Variants in CHST15 observed in about 807,000 individuals in gnomAD.
CHST15 encodes carbohydrate sulfotransferase 15, also known as B cell RAG associated protein (GALNAC4S-6ST).
In CHST15, 30 loss-of-function variants were observed where a neutral mutation model predicts 53.6. The observed-to-expected ratio is 0.56, with a 90% CI of 0.42 to 0.76. The LOEUF is 0.76. Ranked by LOEUF, CHST15 falls within the 30% of genes least tolerant of loss-of-function variation. CHST15 has a pLI of 0.00. For synonymous variants in CHST15, 296 were observed against 289.8 expected, an observed-to-expected ratio of 1.02 and a Z score of -0.22; for missense variants, 627 against 740.5, an observed-to-expected ratio of 0.85 and a Z score of 1.78.
rs1193812035 is a variant in CHST15, at chr10:124,010,294, G to A, written c.1541C>T (p.Ala514Val). Residue 514 changes from alanine (A) to valine (V), a missense_variant, in exon 8 of 8, where the codon GCA becomes GTA. Around this residue, in one of 3 missense-constraint regions of CHST15, gnomAD observed 279 missense variants for 371.6 expected, o/e 0.75. Coordinates refer to ENST00000435907, the MANE Select transcript of CHST15 (RefSeq NM_001270764.2). ...GTCCTCGGGACGCCGTGCATTGGAT[G>A]CGGGGCTCTTGGTCATCAAAGCCTC... The part of the protein sequence containing the change: ...KQEALMTKSP[A>V]SNARRPEDRN... 6.2e-7 allele frequency: 1 copy of A among 1,612,026 alleles called. No homozygotes were observed. The highest frequency in any genetic ancestry group is 8.5e-7 in the Non-Finnish European group (1 of 1,178,620).
chr10:124,014,253 A>C (rs1474402494), intron 6 of CHST15, among the ~76,000 whole-genome samples: 1 of 152,110 alleles, frequency 6.6e-6, no homozygotes, highest in Non-Finnish European at 1.5e-5. Context: ...CAAAGCCTGC[A>C]CTCTGGCCCT....
intron 1 of CHST15, among the ~76,000 whole-genome samples, chr10:124,075,950 T>C (rs1381954885): frequency 6.6e-6 from 1 of 152,186 alleles, no homozygotes. Context: ...GGTGGCATTC[T>C]CCGGGATCCA....
At chr10:124,017,944 G>A (rs1946642084) in intron 6 of CHST15, among the ~76,000 whole-genome samples, 1 of 152,234 alleles carries the variant, frequency 6.6e-6, no homozygotes. Flanking sequence ...GAGGCACTTG[G>A]GCAGAGAAGG....
At chr10:124,015,326 G>A (rs1295001121) in intron 6 of CHST15, among the ~76,000 whole-genome samples, 2 of 151,644 alleles carry the variant, frequency 1.3e-5, no homozygotes, top group East Asian at 3.9e-4. Flanking sequence ...AAACATCAGA[G>A]CTGCAAGAAG....
intron 5 of CHST15, among the ~76,000 whole-genome samples, chr10:124,028,510 G>C (rs547450513): frequency 1.9e-4 from 29 of 152,100 alleles, no homozygotes; most frequent in Non-Finnish European, 3.5e-4. Flanking sequence ...TGAACAATTC[G>C]CCAGTTTTTA....
chr10:124,074,673 G>C lies in CHST15; in HGVS notation c.-513+18796C>G, dbSNP rs34716969. On this transcript the variant is annotated intron_variant, in intron 1 of 7. Transcript: ENST00000435907. This position sits in a 1 kb window ranked among gnomAD's most constrained non-coding sequence, Gnocchi z 4.4. ...CGCGCCTCTGCCAGACTGGGCTCAC[G>C]GCATCAGCAAACTTGCTCATAGACC... Among the ~76,000 whole-genome samples the C allele has an allele frequency of 6.6e-6, 1 of 152,120 alleles. No individual in the cohort carries two copies. Among genetic ancestry groups the C allele is most frequent in the South Asian group, 2.1e-4 (1 of 4,820 alleles).
Position 124,046,130 on chromosome 10 carries a change from T to C in CHST15, c.83A>G (p.His28Arg), listed in dbSNP as rs763394162. The C allele has an allele frequency of 2.8e-5, 45 of 1,614,108 alleles. No individual in the cohort carries two copies. In the East Asian group the frequency reaches 8.7e-4, roughly 31 times the overall value. ...CGTGGGGCACGCCTGGTGACCGTGATGGGGGCCCCCTTGGCAGTTGACCTG... is the reference window on the plus strand; with the variant it reads ...CGTGGGGCACGCCTGGTGACCGTGACGGGGGCCCCCTTGGCAGTTGACCTG... ...KQQVNCQGGP[H>R]HGHQACPTCK... Residue 28 changes from histidine (H) to arginine (R), a missense_variant, in exon 2 of 8, where the codon CAT becomes CGT. His to Arg is a conservative substitution (Grantham distance 29, BLOSUM62 0). This residue lies in a region of CHST15 where 187 missense variants were observed against 251.8 expected (regional missense o/e 0.74). Transcript: ENST00000435907.
intron 1 of CHST15, among the ~76,000 whole-genome samples, chr10:124,089,713 T>C (rs755710722): frequency 1.3e-5 from 2 of 152,022 alleles, no homozygotes; most frequent in Non-Finnish European, 2.9e-5. Context: ...CACCCTCCAC[T>C]CCCTGACCCC....
At chr10:124,047,376 T>C (rs989504968) in intron 1 of CHST15, among the ~76,000 whole-genome samples, 1 of 152,240 alleles carries the variant, frequency 6.6e-6, no homozygotes, top group South Asian at 2.1e-4. Context: ...TTAAATCCAA[T>C]GTATAGGATT....
chr10:124,083,369 C>T (rs571832835), intron 1 of CHST15, among the ~76,000 whole-genome samples: 49 of 152,274 alleles, frequency 3.2e-4, no homozygotes, highest in African/African-American at 1.2e-3. Context: ...ATTTATTTTC[C>T]ACCACTCAAA....
chr10:124,013,683 C>G (rs192455969), intron 6 of CHST15, among the ~76,000 whole-genome samples: 16 of 152,228 alleles, frequency 1.1e-4, no homozygotes, highest in Non-Finnish European at 2.2e-4. Context: ...ACAGTTTCCT[C>G]TAACTCCACA....
At chr10:124,023,499 AG>A (rs1946871412) in intron 5 of CHST15, among the ~76,000 whole-genome samples, 1 of 150,810 alleles carries the variant, frequency 6.6e-6, no homozygotes, top group Admixed American at 6.6e-5. Context: ...AAAAAAAAAA[AG>A]AGGTGTTTTT....
intron 1 of CHST15, among the ~76,000 whole-genome samples, chr10:124,061,191 G>C (rs4929796): frequency 0.027 from 4,152 of 152,232 alleles, 259 homozygotes; most frequent in East Asian, 0.21. Flanking sequence ...TTCACTCCCT[G>C]ATATGGTTTG....
intron 1 of CHST15, among the ~76,000 whole-genome samples, chr10:124,052,275 C>T (rs1201956530): frequency 1.3e-5 from 2 of 152,198 alleles, no homozygotes; most frequent in Admixed American, 6.5e-5. Flanking sequence ...GTTGCTGAGA[C>T]TGAGAAGAAA....
intron 5 of CHST15, among the ~76,000 whole-genome samples, chr10:124,033,907 G>T (rs1017063391): frequency 1.3e-5 from 2 of 152,244 alleles, no homozygotes; most frequent in African/African-American, 4.8e-5. Context: ...CCCAGAAACT[G>T]TTTGAAGCTG....
chr10:124,060,638 C>T (rs1362237789), intron 1 of CHST15, among the ~76,000 whole-genome samples: 2 of 152,204 alleles, frequency 1.3e-5, no homozygotes, highest in African/African-American at 4.8e-5. Flanking sequence ...GCCAGCCCCT[C>T]TACCTCCAGT....
intron 3 of CHST15, among the ~76,000 whole-genome samples, chr10:124,043,179 C>T (rs1482424245): frequency 6.6e-6 from 1 of 152,204 alleles, no homozygotes; most frequent in African/African-American, 2.4e-5. Flanking sequence ...GCCAAAGTAA[C>T]AAGAGGTTCA....
chr10:124,049,831 T>C (rs927018817), intron 1 of CHST15, among the ~76,000 whole-genome samples: 5 of 152,186 alleles, frequency 3.3e-5, no homozygotes, highest in African/African-American at 9.6e-5. Context: ...TTAGCCAATT[T>C]GGACAGATGT....
At chr10:124,068,884 A>G (rs1440862418) in intron 1 of CHST15, among the ~76,000 whole-genome samples, 1 of 152,256 alleles carries the variant, frequency 6.6e-6, no homozygotes, top group African/African-American at 2.4e-5. Context: ...CAAACAATAA[A>G]AAGGGGATCA....
Sources: allele counts gnomAD v4.1 joint callset (sites outside exome capture counted in the v4.1 genomes callset), GRCh38; gene constraint gnomAD v4.1.1; regional missense constraint gnomAD v4.1.1; non-coding constraint Gnocchi (gnomAD v3.1); transcripts MANE v1.5; gene names NCBI Gene and HGNC (gene_info 2026-07-23, HGNC 2026-07-21).